GMPR: variants seen among roughly 807,000 people sequenced by gnomAD.
GMPR encodes the protein guanosine monophosphate reductase, also known as GMP reductase 1.
In GMPR, 31 loss-of-function variants were observed where a neutral mutation model predicts 38.4. That is an observed-to-expected ratio of 0.81 (90% CI 0.61 to 1.09). The LOEUF is 1.09. Ranked by LOEUF, GMPR falls within the 50% of genes least tolerant of loss-of-function variation. The pLI, the probability that GMPR is intolerant of heterozygous loss-of-function variation, is 0.00. For synonymous variants in GMPR, 162 were observed against 173.3 expected (o/e 0.93, Z 0.51); for missense variants, 468 against 453.7 (o/e 1.03, Z -0.29).
intron 4 of GMPR, among the ~76,000 whole-genome samples, chr6:16,266,280 C>A (rs888098998): frequency 6.6e-6 from 1 of 151,798 alleles, no homozygotes; most frequent in Non-Finnish European, 1.5e-5. Context: ...TCTGAGGCTT[C>A]ATTCCTGAAG....
At chr6:16,267,239 G>C (rs1363201013) in intron 4 of GMPR, among the ~76,000 whole-genome samples, 1 of 152,036 alleles carries the variant, frequency 6.6e-6, no homozygotes, top group African/African-American at 2.4e-5. Context: ...GGGTGCAGTG[G>C]CGGGCGCCTG....
At chr6:16,277,416 C>T (rs1759491969) in intron 5 of GMPR, among the ~76,000 whole-genome samples, 1 of 152,218 alleles carries the variant, frequency 6.6e-6, no homozygotes, top group African/African-American at 2.4e-5. Context: ...AGCATCCCAC[C>T]CCCGGGTCTG....
At chr6:16,289,047 C>T (rs1759762399) in intron 7 of GMPR, among the ~76,000 whole-genome samples, 1 of 152,222 alleles carries the variant, frequency 6.6e-6, no homozygotes, top group African/African-American at 2.4e-5. Flanking sequence ...GCAAACCCTT[C>T]TGGCTCCTTT....
chr6:16,293,431 C>T (rs1240473007), intron 8 of GMPR, among the ~76,000 whole-genome samples: 1 of 152,194 alleles, frequency 6.6e-6, no homozygotes, highest in Non-Finnish European at 1.5e-5. Flanking sequence ...GCTTCCTGAG[C>T]TTGGGGCTCT....
intron 7 of GMPR, 59 bp from the exon 8 acceptor site, chr6:16,290,402 GC>G (rs1361517736): frequency 1.3e-6 from 2 of 1,505,120 alleles, no homozygotes; most frequent in Non-Finnish European, 1.8e-6. Context: ...TTTTTTGAGA[GC>G]CTTTTCCCCT....
At chr6:16,282,574 G>A (rs985521000) in intron 6 of GMPR, among the ~76,000 whole-genome samples, 19 of 151,998 alleles carry the variant, frequency 1.3e-4, no homozygotes, top group African/African-American at 3.9e-4. Flanking sequence ...TCTTTCCACC[G>A]TCCCCGCCGT....
At chr6:16,243,644 A>C (rs900686586) in intron 1 of GMPR, among the ~76,000 whole-genome samples, 13 of 152,194 alleles carry the variant, frequency 8.5e-5, no homozygotes, top group Non-Finnish European at 1.8e-4. Flanking sequence ...ATGTAAAAGA[A>C]TTGCTTTACT....
chr6:16,283,165 C>T (rs1007359540), intron 6 of GMPR, among the ~76,000 whole-genome samples: 1 of 152,198 alleles, frequency 6.6e-6, no homozygotes, highest in Non-Finnish European at 1.5e-5. Flanking sequence ...AGTTATCCTT[C>T]ATGTCCTGTG....
intron 4 of GMPR, among the ~76,000 whole-genome samples, chr6:16,255,080 C>T (rs1041838304): frequency 4.0e-5 from 6 of 151,524 alleles, no homozygotes; most frequent in Admixed American, 2.6e-4. Context: ...GGGGTGATCT[C>T]GGCTCACTGC....
chr6:16,257,859 C>T (rs1437393402), intron 4 of GMPR: 2 of 152,216 alleles, frequency 1.3e-5, no homozygotes, highest in Non-Finnish European at 2.9e-5. Flanking sequence ...TCCCAAAGGC[C>T]CTGCCTCCTA....
chr6:16,279,804 T>C (rs1759544685), intron 6 of GMPR, among the ~76,000 whole-genome samples: 1 of 152,174 alleles, frequency 6.6e-6, no homozygotes, highest in Non-Finnish European at 1.5e-5. Context: ...AGGATGGGAC[T>C]TCTCCAAGAG....
chr6:16,255,201 C>CG (rs1443855674), intron 4 of GMPR, among the ~76,000 whole-genome samples: 1 of 151,760 alleles, frequency 6.6e-6, no homozygotes, highest in Non-Finnish European at 1.5e-5. Flanking sequence ...TTAGTAGAGA[C>CG]GGGGTTGCAC....
At chr6:16,274,824 A>G (rs1431370384) in intron 5 of GMPR, among the ~76,000 whole-genome samples, 1 of 152,204 alleles carries the variant, frequency 6.6e-6, no homozygotes, top group Non-Finnish European at 1.5e-5. Context: ...GGAAGGCGAT[A>G]GGTGAAGAAT....
chr6:16,243,842 C>T (rs1561818007), intron 1 of GMPR, among the ~76,000 whole-genome samples: 1 of 152,318 alleles, frequency 6.6e-6, no homozygotes, highest in East Asian at 1.9e-4. Context: ...CCTGCATGGG[C>T]CTCTTGCCCT....
chr6:16,265,820 C>G (rs759480855), intron 4 of GMPR, among the ~76,000 whole-genome samples: 5 of 152,248 alleles, frequency 3.3e-5, no homozygotes, highest in Admixed American at 6.5e-5. Context: ...AACCCTTCCA[C>G]GCCATGGAGG....
chr6:16,285,730 G>A (rs1759666616), intron 6 of GMPR, 63 bp from the exon 7 acceptor site: 2 of 1,379,966 alleles, frequency 1.4e-6, no homozygotes, highest in Non-Finnish European at 2.1e-6. Flanking sequence ...CATCTGGGGG[G>A]AGGGGACAGC....
At chr6:16,289,114 G>A (rs1037910126) in intron 7 of GMPR, among the ~76,000 whole-genome samples, 2 of 152,218 alleles carry the variant, frequency 1.3e-5, no homozygotes, top group African/African-American at 2.4e-5. Context: ...TTGCTGCTCG[G>A]TCTTTAGGCC....
chr6:16,238,602 C>T lies in GMPR; in HGVS notation c.-92C>T, dbSNP rs1758581439. ...CACCCGGCCCACGCCAGCTCCCGGC[C>T]GCGGCACAGCAGCCCCGGCGCTCCC... On this transcript the variant is annotated 5_prime_UTR_variant, in exon 1 of 9. Transcript: ENST00000259727. 6.7e-6 allele frequency: 2 copies of T among 297,692 alleles called. No individual in the cohort carries two copies. The highest frequency in any genetic ancestry group is 1.0e-5 in the Non-Finnish European group (2 of 194,816). The allele number at this position is 297,692 out of a possible 1,614,324, so 18.4% of individuals were successfully genotyped here.
At chr6:16,250,763 C>T (rs934329202) in intron 3 of GMPR, among the ~76,000 whole-genome samples, 3 of 152,090 alleles carry the variant, frequency 2.0e-5, no homozygotes, top group African/African-American at 7.2e-5. Context: ...AGATAATAGC[C>T]AGGCACCGTG....
Sources: allele counts gnomAD v4.1 joint callset (sites outside exome capture counted in the v4.1 genomes callset), GRCh38; gene constraint gnomAD v4.1.1; transcripts MANE v1.5; gene names NCBI Gene and HGNC (gene_info 2026-07-23, HGNC 2026-07-21).